Variants in SLC6A16 observed in about 807,000 individuals in gnomAD.
SLC6A16 encodes the protein orphan sodium- and chloride-dependent neurotransmitter transporter NTT5.
SLC6A16 carries 54 observed loss-of-function variants against 65.4 expected under a neutral mutation model. The ratio of observed to expected loss-of-function variants is 0.83; its 90% CI spans 0.66 to 1.04. The LOEUF is 1.04. Among genes scored for constraint, SLC6A16 ranks in the 50% least tolerant of loss-of-function variants. The pLI is 0.00. For missense variants in SLC6A16, 816 were observed against 914.0 expected (o/e 0.89, Z 1.38); for synonymous variants, 330 against 346.5 (o/e 0.95, Z 0.53).
At position 49,290,598 on chromosome 19, in the gene SLC6A16, G is replaced by A; in HGVS notation, c.1941+7C>T. 1 of 1,613,978 alleles carries A rather than the reference G, an allele frequency of 6.2e-7. No homozygotes were observed. Among genetic ancestry groups the A allele is most frequent in the Non-Finnish European group, 8.5e-7 (1 of 1,179,898 alleles). On this transcript the variant is annotated splice_region_variant and intron_variant, in intron 11 of 11. Coordinates refer to ENST00000335875, the MANE Select transcript of SLC6A16 (RefSeq NM_014037.3). ...CAAAGGGGTTCTGGGTCCTGGGGGA[G>A]GCTCACGGTGCTTGAGTCCCAGGAC...
chr19:49,293,914 T>G lies in SLC6A16; in HGVS notation c.1531A>C (p.Ser511Arg). ...FFLMLLAMGL[S>R]SAIGIMQGII... ...CCCTGCATAATCCCTATTGCGCTGC[T>G]CAGCCCCATGGCCAGCAACATCAGG... Residue 511 changes from serine (S) to arginine (R), a missense_variant, in exon 9 of 12, where the codon AGC becomes CGC. By Grantham distance (110) the Ser-to-Arg change is moderately radical. Coordinates refer to ENST00000335875, the MANE Select transcript of SLC6A16 (RefSeq NM_014037.3). 6.2e-7 allele frequency: 1 copy of G among 1,613,774 alleles called. No individual in the cohort carries two copies. Among genetic ancestry groups the G allele is most frequent in the East Asian group, 2.2e-5 (1 of 44,880 alleles).
chr19:49,310,223 G>A, intron 3 of SLC6A16, 57 bp from the exon 4 acceptor site: 8 of 1,609,408 alleles, frequency 5.0e-6, no homozygotes, highest in Non-Finnish European at 6.8e-6. Context: ...AAAAGGGAGG[G>A]GATTTGACAG....
chr19:49,339,227 G>T, the SLC6A16 span: 1 of 1,004,552 alleles, frequency 1.0e-6, no homozygotes, highest in Non-Finnish European at 1.5e-6. This position sits in a 1 kb window ranked among gnomAD's most constrained non-coding sequence, Gnocchi z 4.5. Flanking sequence ...CTAGGGGAGC[G>T]GGTAGATGCC....
chr19:49,338,885 A>G, the SLC6A16 span: 2 of 1,614,126 alleles, frequency 1.2e-6, no homozygotes, highest in Non-Finnish European at 1.7e-6. This position sits in a 1 kb window ranked among gnomAD's most constrained non-coding sequence, Gnocchi z 5.0. Flanking sequence ...CGCGGTCCAG[A>G]CACAGTGCAG....
chr19:49,303,335 C>T (rs1030442059), intron 7 of SLC6A16, among the ~76,000 whole-genome samples: 1 of 152,128 alleles, frequency 6.6e-6, no homozygotes, highest in Non-Finnish European at 1.5e-5. Flanking sequence ...GAAAAAAAAT[C>T]TGACAACCAA....
At chr19:49,319,799 ACCACAAATTTGTAGG>A (rs1970679720) in intron 1 of SLC6A16, among the ~76,000 whole-genome samples, 1 of 152,130 alleles carries the variant, frequency 6.6e-6, no homozygotes, top group Non-Finnish European at 1.5e-5. Context: ...TCCAGGAGAG[ACCACAAATTTGTAGG>A]CCACAAATTT....
intron 7 of SLC6A16, among the ~76,000 whole-genome samples, chr19:49,300,628 A>G (rs1208663612): frequency 6.6e-6 from 1 of 152,230 alleles, no homozygotes; most frequent in African/African-American, 2.4e-5. Context: ...AACAAAATAC[A>G]GACCAGGAGA....
the SLC6A16 span, chr19:49,331,880 C>T: frequency 4.4e-6 from 2 of 455,534 alleles, no homozygotes; most frequent in Admixed American, 2.3e-5. Flanking sequence ...TGCAGTGAGC[C>T]GTGATTGCAC....
At chr19:49,294,683 G>T in intron 7 of SLC6A16, 130 bp from the exon 8 acceptor site, 1 of 859,356 alleles carries the variant, frequency 1.2e-6, no homozygotes, top group Non-Finnish European at 1.8e-6. Flanking sequence ...ATAGAGCCTG[G>T]GATGAATCCT....
the SLC6A16 span, chr19:49,331,952 G>C: frequency 2.2e-6 from 1 of 450,968 alleles, no homozygotes; most frequent in Non-Finnish European, 4.5e-6. Context: ...TCTGAGGAGG[G>C]ATCAGTGGGT....
chr19:49,294,800 C>T lies in SLC6A16; in HGVS notation c.1230-247G>A, dbSNP rs536187924. ...ATTTTCTACAGTCTTCTTGGGGACT[C>T]TGTGGTCTCTGCTCTAGTGATGGGA... On this transcript the variant is annotated intron_variant, in intron 7 of 11. Transcript: ENST00000335875. Among the ~76,000 whole-genome samples the T allele has an allele frequency of 2.0e-5, 3 of 152,198 alleles. No homozygotes were observed. The East Asian group carries it at 5.8e-4, about 29-fold the overall frequency.
the SLC6A16 span, chr19:49,340,038 G>A: frequency 6.7e-7 from 1 of 1,491,850 alleles, no homozygotes; most frequent in African/African-American, 1.4e-5. Flanking sequence ...CTCCTTCTCA[G>A]CCTCTACCCC....
the SLC6A16 span, chr19:49,337,834 A>T: frequency 6.3e-7 from 1 of 1,581,562 alleles, no homozygotes; most frequent in East Asian, 2.3e-5. Context: ...TGGCCCAGAG[A>T]TGCACAGGGC....
chr19:49,339,236 C>A, the SLC6A16 span: 2 of 1,117,326 alleles, frequency 1.8e-6, no homozygotes, highest in Non-Finnish European at 1.3e-6. The surrounding 1 kb of genome is among the most constrained non-coding windows in gnomAD (Gnocchi z 4.5). Flanking sequence ...CGGGTAGATG[C>A]CTGAAGACGG....
chr19:49,306,067 G>A (rs1225648075), intron 7 of SLC6A16: 1 of 152,224 alleles, frequency 6.6e-6, no homozygotes, highest in Admixed American at 6.5e-5. Flanking sequence ...GGGAGGCCGA[G>A]GCGGGCGGAT....
the SLC6A16 span, chr19:49,339,040 A>G: frequency 1.0e-6 from 1 of 974,308 alleles, no homozygotes; most frequent in Non-Finnish European, 1.6e-6. The surrounding 1 kb of genome is among the most constrained non-coding windows in gnomAD (Gnocchi z 4.5). Context: ...GGTCTACGAG[A>G]AAAGGAAAGG....
In SLC6A16 at chr19:49,308,757, G is replaced by C. The variant is rs539157591; in HGVS notation, c.1229+119C>G. 5.1e-5 allele frequency: 64 copies of C among 1,244,054 alleles called. No homozygotes were observed. The South Asian group carries it at 6.4e-4, about 12-fold the overall frequency. The allele number at this position is 1,244,054 out of a possible 1,614,324, so 77.1% of individuals were successfully genotyped here. A position where few individuals can be genotyped will look rare whatever the true frequency, so the allele number is the denominator to read the frequency against. On this transcript the variant is annotated intron_variant, in intron 7 of 11. Transcript: ENST00000335875. ...TAGCTATGGGGAAGGTAGAGGGCTTGCAAGTGCACCCAAGGTTGAAATGTG... is the reference window on the plus strand; with the variant it reads ...TAGCTATGGGGAAGGTAGAGGGCTTCCAAGTGCACCCAAGGTTGAAATGTG...
chr19:49,302,537 A>C (rs377463929), intron 7 of SLC6A16, among the ~76,000 whole-genome samples: 4 of 152,308 alleles, frequency 2.6e-5, no homozygotes, highest in East Asian at 3.9e-4. Context: ...TTTGAAGTTA[A>C]TGCTTCTTCA....
At chr19:49,328,641 T>A (rs969243610), upstream of SLC6A16, among the ~76,000 whole-genome samples, 1 of 152,222 alleles carries the variant, frequency 6.6e-6, no homozygotes, top group African/African-American at 2.4e-5. Context: ...GTGGTGGTTT[T>A]AAAATACGTC....
Sources: allele counts gnomAD v4.1 joint callset (sites outside exome capture counted in the v4.1 genomes callset), GRCh38; gene constraint gnomAD v4.1.1; non-coding constraint Gnocchi (gnomAD v3.1); transcripts MANE v1.5; gene names NCBI Gene and HGNC (gene_info 2026-07-23, HGNC 2026-07-21).